SPTBN1: variants seen among roughly 807,000 people sequenced by gnomAD.
SPTBN1 encodes the protein spectrin beta chain, non-erythrocytic 1.
In SPTBN1, 32 loss-of-function variants were observed where a neutral mutation model predicts 266.4. The ratio of observed to expected loss-of-function variants is 0.12; its 90% CI spans 0.09 to 0.16. The LOEUF (loss-of-function observed/expected upper bound fraction) is 0.16, where lower values mean the gene tolerates loss of function less well. Among genes scored for constraint, SPTBN1 ranks in the 10% least tolerant of loss-of-function variants. SPTBN1 has a pLI of 1.00. For synonymous variants in SPTBN1, 1,336 were observed against 1,162.2 expected, an observed-to-expected ratio of 1.15 and a Z score of -3.04; for missense variants, 2,296 against 3,067.1, an observed-to-expected ratio of 0.75 and a Z score of 5.94.
intron 32 of SPTBN1, chr2:54,662,029 C>T: frequency 1.0e-6 from 1 of 985,412 alleles, no homozygotes. Flanking sequence ...GCTTCGTGCA[C>T]TTTGAATACC....
chr2:54,613,093 G>C (rs1677339715), intron 4 of SPTBN1, among the ~76,000 whole-genome samples: 1 of 152,184 alleles, frequency 6.6e-6, no homozygotes, highest in Non-Finnish European at 1.5e-5. Flanking sequence ...AGAGCGCTCA[G>C]CCTTTTGGGA....
At chr2:54,561,817 G>C (rs918871649) in intron 2 of SPTBN1, among the ~76,000 whole-genome samples, 1 of 141,132 alleles carries the variant, frequency 7.1e-6, no homozygotes, top group Non-Finnish European at 1.5e-5. Context: ...AGTTTATAGA[G>C]ATTTATGGTT....
At chr2:54,571,590 C>T (rs1189477852) in intron 2 of SPTBN1, among the ~76,000 whole-genome samples, 2 of 108,326 alleles carry the variant, frequency 1.8e-5, no homozygotes, top group Non-Finnish European at 3.8e-5. Flanking sequence ...CACACACACA[C>T]ACACACACAC....
chr2:54,623,397 G>C (rs1219131772), intron 9 of SPTBN1, 82 bp from the exon 10 acceptor site: 5 of 1,207,992 alleles, frequency 4.1e-6, no homozygotes, highest in Non-Finnish European at 6.1e-6. Context: ...AGTCAGACCA[G>C]AGTTAAATGG....
chr2:54,512,380 G>A (rs1335024823), intron 1 of SPTBN1, among the ~76,000 whole-genome samples: 1 of 152,186 alleles, frequency 6.6e-6, no homozygotes, highest in African/African-American at 2.4e-5. Context: ...ATACAAAGGG[G>A]AAAGGCTTGT....
chr2:54,482,281 G>C (rs1250845631), intron 1 of SPTBN1, among the ~76,000 whole-genome samples: 1 of 151,750 alleles, frequency 6.6e-6, no homozygotes, highest in African/African-American at 2.4e-5. Flanking sequence ...TTGGGAGGCT[G>C]AGGAGGGAGG....
rs933374892 is a variant in SPTBN1 at position 54,506,457 on chromosome 2, GT to G, written c.-47-19904del. On this transcript the variant is annotated intron_variant, in intron 1 of 35. Coordinates refer to ENST00000356805, the MANE Select transcript of SPTBN1 (RefSeq NM_003128.3). The stretch of plus-strand genomic sequence containing the variant: ...CAATCTACAAGAGCTTATCTGTTTG[GT>G]TTTTTTTTTTCTACTTATAGTTTAC... 1.7e-3 allele frequency among the ~76,000 whole-genome samples: 243 copies of G among 146,296 alleles called. 1 individual carries two copies. The highest frequency in any genetic ancestry group is 4.2e-3 in the African/African-American group (167 of 40,142).
In SPTBN1 at chr2:54,629,528, C is replaced by A; in HGVS notation, c.2394C>A (p.Pro798=). Residue 798 remains proline, a synonymous_variant, in exon 14 of 36, where the codon CCC becomes CCA. Transcript: ENST00000356805. ...DVAEEIANYR[P]TLDTLHEQAS... is the part of the protein sequence containing the mutation. ...CGGAAGAGATCGCCAATTACAGGCC[C>A]ACCCTTGACACGCTGCACGAACAAG... The A allele has an allele frequency of 6.2e-7, 1 of 1,614,112 alleles. No individual in the cohort carries two copies. The highest frequency in any genetic ancestry group is 1.1e-5 in the South Asian group (1 of 91,090).
chr2:54,654,393 A>T (rs1028373942), intron 27 of SPTBN1, among the ~76,000 whole-genome samples: 1 of 152,216 alleles, frequency 6.6e-6, no homozygotes, highest in Non-Finnish European at 1.5e-5. Flanking sequence ...ATTAGTGAAG[A>T]GAAGTTAATA....
intron 18 of SPTBN1, among the ~76,000 whole-genome samples, chr2:54,638,324 A>G (rs1033277872): frequency 6.6e-6 from 1 of 152,264 alleles, no homozygotes. Flanking sequence ...CATTTCAATG[A>G]TATGGAAGGA....
intron 1 of SPTBN1, among the ~76,000 whole-genome samples, chr2:54,475,697 A>G (rs975887140): frequency 3.3e-5 from 5 of 152,334 alleles, no homozygotes; most frequent in South Asian, 2.1e-4. Flanking sequence ...TTTTAAATTC[A>G]TCATTTAGTA....
intron 2 of SPTBN1, among the ~76,000 whole-genome samples, chr2:54,565,398 A>G (rs965611392): frequency 4.6e-5 from 7 of 152,212 alleles, no homozygotes; most frequent in African/African-American, 1.7e-4. Context: ...TCCTGCTTAA[A>G]TTAGAGAAGC....
At chr2:54,484,148 T>C (rs1668231169) in intron 1 of SPTBN1, among the ~76,000 whole-genome samples, 1 of 152,152 alleles carries the variant, frequency 6.6e-6, no homozygotes, top group Non-Finnish European at 1.5e-5. Flanking sequence ...ATTGCACCAC[T>C]GCACTCCATC....
At chr2:54,477,191 CACA>C (rs754954333) in intron 1 of SPTBN1, among the ~76,000 whole-genome samples, 4 of 152,176 alleles carry the variant, frequency 2.6e-5, no homozygotes, top group African/African-American at 4.8e-5. Flanking sequence ...TGGATTTAAA[CACA>C]ACATTTGTTG....
intron 1 of SPTBN1, among the ~76,000 whole-genome samples, chr2:54,487,832 C>CTTTTTTTTTTGTTTTTTTTTTTTT: frequency 1.5e-5 from 1 of 68,644 alleles, no homozygotes; most frequent in African/African-American, 5.5e-5. Context: ...CCTCCTGTGT[C>CTTTTTTTTTTGTTTTTTTTTTTTT]TTTTTTTTTT....
At chr2:54,478,250 T>G (rs1156396333) in intron 1 of SPTBN1, among the ~76,000 whole-genome samples, 1 of 152,038 alleles carries the variant, frequency 6.6e-6, no homozygotes, top group East Asian at 1.9e-4. Flanking sequence ...ATGAGAACGC[T>G]CGTGTTTCAT....
intron 32 of SPTBN1, chr2:54,661,219 T>A: frequency 3.0e-6 from 3 of 985,842 alleles, no homozygotes; most frequent in Non-Finnish European, 3.6e-6. Context: ...TGAAAATGTT[T>A]TCACAAAAAT....
At chr2:54,531,589 A>G (rs913204788) in intron 2 of SPTBN1, among the ~76,000 whole-genome samples, 1 of 150,438 alleles carries the variant, frequency 6.6e-6, no homozygotes, top group Admixed American at 6.6e-5. Flanking sequence ...AAGCCTGGCT[A>G]TATCGGTTTT....
rs1678717585 is a variant in SPTBN1, at chr2:54,631,318, C to G, written c.3271C>G (p.Pro1091Ala). The G allele has an allele frequency of 1.2e-6, 2 of 1,614,136 alleles. No homozygotes were observed. The highest frequency in any genetic ancestry group is 1.3e-5 in the African/African-American group (1 of 74,950). ...TQTAIASEDM[P>A]NTLTEAEKLL... ...GACAGCGATCGCCTCGGAGGACATG[C>G]CAAACACCCTGACCGAGGCTGAGAA... is the stretch of plus-strand genomic sequence containing the variant. The change falls in exon 16 of 36, where the codon CCA becomes GCA. Residue 1091 changes from proline (P) to alanine (A), a missense_variant. Coordinates refer to ENST00000356805, the MANE Select transcript of SPTBN1 (RefSeq NM_003128.3).
Sources: gnomAD v4.1 joint callset for allele counts (sites outside exome capture counted in the v4.1 genomes callset) on GRCh38, gnomAD v4.1.1 for gene constraint, MANE v1.5 for transcripts, NCBI Gene and HGNC (gene_info 2026-07-23, HGNC 2026-07-21) for gene names.